The following ATP11A variants were observed in gnomAD, a reference collection of about 807,000 sequenced individuals.
The protein encoded by ATP11A is phospholipid-transporting ATPase IH.
In ATP11A, 81 loss-of-function variants were observed where a neutral mutation model predicts 154.4. The observed-to-expected ratio is 0.52, with a 90% CI of 0.44 to 0.63. The LOEUF (loss-of-function observed/expected upper bound fraction) is 0.63. Among genes scored for constraint, ATP11A ranks in the 30% least tolerant of loss-of-function variants. The pLI is 0.00. For synonymous variants in ATP11A, 623 were observed against 585.9 expected (o/e 1.06, Z -0.91); for missense variants, 1,316 against 1,474.3 (o/e 0.89, Z 1.76).
chr13:112,864,682 C>T (rs374222904), intron 25 of ATP11A, among the ~76,000 whole-genome samples: 8 of 58,498 alleles, frequency 1.4e-4, no homozygotes, highest in Admixed American at 3.6e-4. Flanking sequence ...ATGCAGCTTC[C>T]CAGCGGGGTC....
intron 4 of ATP11A, among the ~76,000 whole-genome samples, chr13:112,808,907 G>A (rs72660034): frequency 0.041 from 6,298 of 152,242 alleles, 165 homozygotes; most frequent in Middle Eastern, 0.092. Flanking sequence ...TGGCTGGTGG[G>A]CAGTGCCAGC....
In ATP11A at chr13:112,690,422, C is replaced by T. The variant is rs757080768; in HGVS notation, c.6C>T (p.Asp2=). ...CGGGAGCGGCCGGAGGAGCCATGGA[C>T]TGCAGCCTCGTGCGGACGCTCGTGC... M[D]CSLVRTLVHR... is the part of the protein sequence containing the mutation. The change falls in exon 1 of 30, where the codon GAC becomes GAT. Residue 2 remains aspartate (D), a synonymous_variant. Coordinates refer to ENST00000375645, the MANE Select transcript of ATP11A (RefSeq NM_015205.3). This position sits in a 1 kb window ranked among gnomAD's most constrained non-coding sequence, Gnocchi z 5.6. 40 of 1,341,362 alleles carry T rather than the reference C, an allele frequency of 3.0e-5. No homozygotes were observed. Among genetic ancestry groups the T allele is most frequent in the Non-Finnish European group, 3.4e-5 (36 of 1,044,308 alleles). The allele number at this position is 1,341,362 out of a possible 1,614,324, so 83.1% of individuals were successfully genotyped here.
chr13:112,793,438 G>A (rs112516647), intron 2 of ATP11A, among the ~76,000 whole-genome samples: 4 of 152,188 alleles, frequency 2.6e-5, no homozygotes, highest in African/African-American at 9.7e-5. Flanking sequence ...CCTGACCTCA[G>A]GTGATTCACC....
intron 20 of ATP11A, chr13:112,856,796 TC>T (rs2079940237): frequency 6.6e-6 from 1 of 152,230 alleles, no homozygotes; most frequent in Non-Finnish European, 1.5e-5. Flanking sequence ...CCATCATTGG[TC>T]AGAGCAAACC....
At chr13:112,698,230 T>C (rs1264735736) in intron 1 of ATP11A, among the ~76,000 whole-genome samples, 1 of 151,956 alleles carries the variant, frequency 6.6e-6, no homozygotes, top group Non-Finnish European at 1.5e-5. Context: ...GCTGGAGCGA[T>C]GGCCACTTGG....
chr13:112,758,016 T>TA (rs2076881074), intron 1 of ATP11A, among the ~76,000 whole-genome samples: 1 of 152,238 alleles, frequency 6.6e-6, no homozygotes, highest in Non-Finnish European at 1.5e-5. Context: ...GGACACATGC[T>TA]ACTCAGGTTC....
rs2080528625 is a variant in ATP11A, at chr13:112,871,775, T to C, written c.3032T>C (p.Val1011Ala). 6.2e-7 allele frequency: 1 copy of C among 1,614,186 alleles called. No individual in the cohort carries two copies. Among genetic ancestry groups the C allele is most frequent in the Non-Finnish European group, 8.5e-7 (1 of 1,180,032 alleles). ...ACGTTTGGAACGCTGGTATTCACCG[T>C]GATGGTGTTCACAGTTACACTAAAG... ...NWTFGTLVFT[V>A]MVFTVTLKLA... Residue 1011 changes from valine to alanine, a missense_variant, in exon 26 of 30, where the codon GTG (valine) becomes GCG (alanine). Physicochemically the swap from Val to Ala is moderately conservative, Grantham distance 64. Transcript: ENST00000375645.
chr13:112,875,777 C>G lies in ATP11A; in HGVS notation c.3163C>G (p.Pro1055Ala). The change falls in exon 28 of 30, where the codon CCG becomes GCG. Residue 1055 changes from proline (P) to alanine (A), a missense_variant and splice_region_variant. Transcript: ENST00000375645. This position sits in a 1 kb window ranked among gnomAD's most constrained non-coding sequence, Gnocchi z 4.1. The stretch of plus-strand genomic sequence containing the variant: ...CGGCTTCTCTTCCCTGCCCCTCAGG[C>G]CGTTCCTCAACTACCAGAGGATGTA... ...FSLLWGGVIW[P>A]FLNYQRMYYV... The G allele has an allele frequency of 1.2e-6, 2 of 1,613,122 alleles. No homozygotes were observed. The highest frequency in any genetic ancestry group is 1.7e-6 in the Non-Finnish European group (2 of 1,179,438).
chr13:112,850,370 G>A (rs2079729621), intron 17 of ATP11A, among the ~76,000 whole-genome samples: 1 of 152,230 alleles, frequency 6.6e-6, no homozygotes, highest in African/African-American at 2.4e-5. Flanking sequence ...ATGGAATGAA[G>A]AGGTTCATCT....
rs184210617 is a variant in ATP11A at position 112,863,516 on chromosome 13, C to T, written c.2991+941C>T. 6.2e-3 allele frequency among the ~76,000 whole-genome samples: 925 copies of T among 148,774 alleles called. 6 individuals are homozygous for T. Among genetic ancestry groups the T allele is most frequent in the Non-Finnish European group, 0.01 (678 of 67,304 alleles). Reference sequence around the variant, plus strand: ...TCCCAGCGGGGTCCATCACCACGTGCGCAATAATTCAGCATAGCACGTGCA... The same window carrying T: ...TCCCAGCGGGGTCCATCACCACGTGTGCAATAATTCAGCATAGCACGTGCA... On this transcript the variant is annotated intron_variant, in intron 25 of 29. Transcript: ENST00000375645.
intron 1 of ATP11A, among the ~76,000 whole-genome samples, chr13:112,761,164 G>A (rs559587592): frequency 6.6e-6 from 1 of 152,106 alleles, no homozygotes; most frequent in Non-Finnish European, 1.5e-5. Context: ...TCCAGGGGTC[G>A]CAGTGCTCGT....
chr13:112,774,441 G>A (rs765988844), intron 1 of ATP11A, among the ~76,000 whole-genome samples: 21 of 152,216 alleles, frequency 1.4e-4, no homozygotes, highest in Non-Finnish European at 2.8e-4. Flanking sequence ...AATGGGAGAC[G>A]ATGATACTTT....
At chr13:112,750,720 C>T (rs1364425795) in intron 1 of ATP11A, among the ~76,000 whole-genome samples, 4 of 152,186 alleles carry the variant, frequency 2.6e-5, no homozygotes, top group African/African-American at 7.2e-5. Context: ...ACTAGGTTTT[C>T]GTTTGGGAGA....
chr13:112,693,708 T>G (rs1038889367), intron 1 of ATP11A, among the ~76,000 whole-genome samples: 1 of 152,120 alleles, frequency 6.6e-6, no homozygotes, highest in Non-Finnish European at 1.5e-5. Context: ...TCCCAGCACT[T>G]TGGGAGGCCG....
At chr13:112,724,713 G>A (rs1372011814) in intron 1 of ATP11A, among the ~76,000 whole-genome samples, 1 of 152,044 alleles carries the variant, frequency 6.6e-6, no homozygotes, top group African/African-American at 2.4e-5. Context: ...AGCTGTTTGG[G>A]GCCCATCTTG....
At chr13:112,871,632 T>C in intron 25 of ATP11A, 103 bp from the exon 26 acceptor site, 1 of 1,082,578 alleles carries the variant, frequency 9.2e-7, no homozygotes, top group South Asian at 1.3e-5. Flanking sequence ...TTTGAAGTGT[T>C]GGCACACAAG....
Position 112,875,672 on chromosome 13 carries a change from G to A in ATP11A, c.3162-104G>A. ...CGTGGCTTGCCAAGCAACTCTCACT[G>A]ACAAAAGTGTAAACTCCCTGAACAG... is the stretch of plus-strand genomic sequence containing the variant. On this transcript the variant is annotated intron_variant, in intron 27 of 29. Coordinates refer to ENST00000375645, the MANE Select transcript of ATP11A (RefSeq NM_015205.3). This position sits in a 1 kb window ranked among gnomAD's most constrained non-coding sequence, Gnocchi z 4.1. 7.5e-7 allele frequency: 1 copy of A among 1,340,018 alleles called. No individual in the cohort carries two copies. Among genetic ancestry groups the A allele is most frequent in the Admixed American group, 2.2e-5 (1 of 44,546 alleles). The allele number at this position is 1,340,018 out of a possible 1,614,324, so 83.0% of individuals were successfully genotyped here.
Position 112,859,132 on chromosome 13 carries a change from A to T in ATP11A, c.2668-261A>T, listed in dbSNP as rs1395293776. 7 of 491,116 alleles carry T rather than the reference A, an allele frequency of 1.4e-5. No individual in the cohort carries two copies. Among genetic ancestry groups the T allele is most frequent in the South Asian group, 6.3e-5 (3 of 47,386 alleles). 30.4% of individuals were successfully genotyped at this position (491,116 alleles called of 1,614,324 possible). ...TCGATTCTTTCCCGTTTATACTGAT[A>T]CCTGCATTGCCTTCTTGTTTCTCTT... On this transcript the variant is annotated intron_variant, in intron 22 of 29. Transcript: ENST00000375645. This position sits in a 1 kb window ranked among gnomAD's most constrained non-coding sequence, Gnocchi z 4.3.
At chr13:112,706,536 A>G (rs981650331) in intron 1 of ATP11A, among the ~76,000 whole-genome samples, 2 of 152,226 alleles carry the variant, frequency 1.3e-5, no homozygotes, top group African/African-American at 4.8e-5. Context: ...CTTGGTTTGA[A>G]TAAGTGCTCT....
Sources: allele counts gnomAD v4.1 joint callset (sites outside exome capture counted in the v4.1 genomes callset), GRCh38; gene constraint gnomAD v4.1.1; non-coding constraint Gnocchi (gnomAD v3.1); transcripts MANE v1.5; gene names NCBI Gene and HGNC (gene_info 2026-07-23, HGNC 2026-07-21).